Variants in PHGDH observed in about 807,000 individuals in gnomAD.
PHGDH encodes the protein D-3-phosphoglycerate dehydrogenase.
In PHGDH, 50 loss-of-function variants were observed where a neutral mutation model predicts 52.6. That is an observed-to-expected ratio of 0.95 (90% CI 0.76 to 1.20). The LOEUF is 1.20. Ranked by LOEUF, PHGDH falls within the 50% of genes most tolerant of loss-of-function variation. PHGDH has a pLI of 0.00. For synonymous variants in PHGDH, 271 were observed against 280.5 expected (o/e 0.97, Z 0.34); for missense variants, 630 against 684.6 (o/e 0.92, Z 0.89).
intron 1 of PHGDH, chr1:119,713,186 TCC>T (rs1463986093): frequency 6.6e-6 from 1 of 152,364 alleles, no homozygotes; most frequent in Non-Finnish European, 1.5e-5. Context: ...CAGTATATTC[TCC>T]CCCACCCTCC....
chr1:119,735,375 G>A lies in PHGDH; in HGVS notation c.724G>A (p.Glu242Lys), dbSNP rs1043911286. The A allele has an allele frequency of 1.2e-6, 2 of 1,614,198 alleles. No individual in the cohort carries two copies. The highest frequency in any genetic ancestry group is 2.2e-5 in the East Asian group (1 of 44,884). Reference sequence around the variant, plus strand: ...CTGTGCCCGTGGAGGGATCGTGGACGAAGGCGCCCTGCTCCGGGCCCTGCA... The same window carrying A: ...CTGTGCCCGTGGAGGGATCGTGGACAAAGGCGCCCTGCTCCGGGCCCTGCA... ...VNCARGGIVDEGALLRALQSG... is the reference protein window; with the variant it reads ...VNCARGGIVDKGALLRALQSG... The change falls in exon 7 of 12, where the codon GAA becomes AAA. Residue 242 changes from glutamate to lysine, a missense_variant. Physicochemically the swap from Glu to Lys is moderately conservative, Grantham distance 56. Coordinates refer to ENST00000641023, the MANE Select transcript of PHGDH (RefSeq NM_006623.4).
At chr1:119,741,922 C>T (rs761955649) in intron 10 of PHGDH, 25 bp downstream of exon 10, 1 of 1,599,618 alleles carries the variant, frequency 6.3e-7, no homozygotes. Context: ...CCCACGCTGC[C>T]TCCCCATCCC....
At chr1:119,722,850 G>A (rs1651234568) in intron 2 of PHGDH, among the ~76,000 whole-genome samples, 1 of 149,510 alleles carries the variant, frequency 6.7e-6, no homozygotes, top group South Asian at 2.2e-4. Flanking sequence ...GCAGTGAGCT[G>A]TGATCATGCC....
chr1:119,720,734 C>A, intron 1 of PHGDH: 1 of 241,110 alleles, frequency 4.1e-6, no homozygotes, highest in Non-Finnish European at 8.3e-6. Context: ...TCAAAATCAG[C>A]CAGCAGGCAG....
intron 9 of PHGDH, 103 bp downstream of exon 9, chr1:119,740,621 C>A: frequency 9.7e-7 from 1 of 1,028,974 alleles, no homozygotes; most frequent in Admixed American, 2.1e-5. Context: ...TAGTGAGAGG[C>A]AGTGAGGGTG....
intron 5 of PHGDH, among the ~76,000 whole-genome samples, chr1:119,732,415 A>G (rs1651735880): frequency 6.6e-6 from 1 of 152,162 alleles, no homozygotes; most frequent in South Asian, 2.1e-4. Context: ...TAGTCTTTGA[A>G]TGGTGGGTAC....
intron 8 of PHGDH, chr1:119,739,558 T>G (rs1652094459): frequency 6.6e-6 from 1 of 152,264 alleles, no homozygotes; most frequent in African/African-American, 2.4e-5. Flanking sequence ...CAATGATATC[T>G]TTATGAAAAC....
intron 3 of PHGDH, chr1:119,724,750 A>C (rs927200764): frequency 8.8e-6 from 4 of 454,718 alleles, no homozygotes; most frequent in Non-Finnish European, 1.3e-5. Context: ...GAAGGAAAGG[A>C]TTGGGAGCCA....
intron 3 of PHGDH, chr1:119,725,057 T>C: frequency 2.2e-6 from 1 of 453,004 alleles, no homozygotes. Flanking sequence ...TTTGAGCAGA[T>C]GGCGGGGGCT....
Position 119,737,287 on chromosome 1 carries a change from C to T in PHGDH, c.945+21C>T, listed in dbSNP as rs200199438. ...GGGTTGTAAGTATCACCACCTGGGG[C>T]TGGGGGCCAGGAGTCAGAGGGAGGA... On this transcript the variant is annotated intron_variant, in intron 8 of 11. Transcript: ENST00000641023. The T allele has an allele frequency of 3.2e-4, 515 of 1,605,672 alleles. 1 individual carries two copies. The African/African-American group carries it at 6.2e-3, about 19-fold the overall frequency.
intron 1 of PHGDH, chr1:119,720,130 T>TGCTCATTC (rs1276251819): frequency 2.6e-5 from 4 of 152,232 alleles, no homozygotes; most frequent in African/African-American, 7.2e-5. Flanking sequence ...CATTCTGTGT[T>TGCTCATTC]TGAGCAAGAA....
intron 11 of PHGDH, among the ~76,000 whole-genome samples, chr1:119,743,552 G>A (rs921600672): frequency 6.6e-5 from 10 of 152,232 alleles, no homozygotes; most frequent in Admixed American, 4.6e-4. Flanking sequence ...CGGAGGGTGT[G>A]CCTTCAAACC....
In PHGDH at chr1:119,726,833, C is replaced by T. The variant is rs776444178; in HGVS notation, c.357-18C>T. 7 of 1,611,796 alleles carry T rather than the reference C, an allele frequency of 4.3e-6. No homozygotes were observed. Among genetic ancestry groups the T allele is most frequent in the Admixed American group, 1.7e-5 (1 of 60,008 alleles). ...GGGAGTCCGAATGGACCCTCTGAACCTGTGTCTATCCTTGCAGGCAGATTC... is the reference window on the plus strand; with the variant it reads ...GGGAGTCCGAATGGACCCTCTGAACTTGTGTCTATCCTTGCAGGCAGATTC... On this transcript the variant is annotated intron_variant, in intron 3 of 11. Coordinates refer to ENST00000641023, the MANE Select transcript of PHGDH (RefSeq NM_006623.4).
rs187570749 is a variant in PHGDH at position 119,740,247 on chromosome 1, A to G, written c.946-139A>G. 555 of 759,736 alleles carry G rather than the reference A, an allele frequency of 7.3e-4. 3 individuals carry two copies. The highest frequency in any genetic ancestry group is 1.1e-3 in the Non-Finnish European group (477 of 438,960). 47.1% of individuals were successfully genotyped at this position (759,736 alleles called of 1,614,324 possible). Reference sequence around the variant, plus strand: ...TGTCCTGTTGTTAGTGGCTGATGGAAGTTGTCACCCACCAGGCACCAAGGC... The same window carrying G: ...TGTCCTGTTGTTAGTGGCTGATGGAGGTTGTCACCCACCAGGCACCAAGGC... On this transcript the variant is annotated intron_variant, in intron 8 of 11. Transcript: ENST00000641023.
At chr1:119,737,906 A>G (rs1652016192) in intron 8 of PHGDH, among the ~76,000 whole-genome samples, 1 of 152,200 alleles carries the variant, frequency 6.6e-6, no homozygotes, top group African/African-American at 2.4e-5. Flanking sequence ...TGGGTACCAG[A>G]CATTGTCATA....
In PHGDH at chr1:119,711,957, C is replaced by G. The variant is rs1274731355; in HGVS notation, c.-66C>G. ...GCCCAGTTACTCTAGCGCGCCAGGC[C>G]GAACCGCAGCTTCTTGGCTTAGGTA... On this transcript the variant is annotated 5_prime_UTR_variant, in exon 1 of 12. Coordinates refer to ENST00000641023, the MANE Select transcript of PHGDH (RefSeq NM_006623.4). 1.3e-6 allele frequency: 2 copies of G among 1,582,290 alleles called. No individual in the cohort carries two copies. The highest frequency in any genetic ancestry group is 3.3e-5 in the Admixed American group (2 of 59,940).
intron 5 of PHGDH, chr1:119,730,132 A>T (rs1333661350): frequency 6.6e-6 from 1 of 152,206 alleles, no homozygotes; most frequent in East Asian, 1.9e-4. Context: ...CGGAGAGCTC[A>T]TCAGTTCTAC....
At position 119,723,699 on chromosome 1, in the gene PHGDH, C is replaced by A. The variant is rs138458253; in HGVS notation, c.356+258C>A. ...TATTCTCCATGCTGCAGACAATCTGCCTTCTCTAGCCTCCAACTCTTGCAA... is the reference window on the plus strand; with the variant it reads ...TATTCTCCATGCTGCAGACAATCTGACTTCTCTAGCCTCCAACTCTTGCAA... On this transcript the variant is annotated intron_variant, in intron 3 of 11. Transcript: ENST00000641023. Among the ~76,000 whole-genome samples, 37 of 151,936 alleles carry A rather than the reference C, an allele frequency of 2.4e-4. 1 individual carries two copies. Among genetic ancestry groups the A allele is most frequent in the African/African-American group, 7.0e-4 (29 of 41,514 alleles).
chr1:119,717,232 C>CAAAAAAAAAA lies in PHGDH; in HGVS notation c.139-3918_139-3909dup, dbSNP rs58549149. Among the ~76,000 whole-genome samples, 100 of 37,350 alleles carry CAAAAAAAAAA rather than the reference C, an allele frequency of 2.7e-3. 20 individuals are homozygous for CAAAAAAAAAA. The highest frequency in any genetic ancestry group is 9.6e-3 in the East Asian group (10 of 1,038). The allele number at this position is 37,350 out of a possible 152,430, so 24.5% of individuals were successfully genotyped here. A position where few individuals can be genotyped will look rare whatever the true frequency, so the allele number is the denominator to read the frequency against. On this transcript the variant is annotated intron_variant, in intron 1 of 11. Coordinates refer to ENST00000641023, the MANE Select transcript of PHGDH (RefSeq NM_006623.4). ...GGGCAATAAGAGTGAAACTCTGTCT[C>CAAAAAAAAAA]AAAAAAAAAAAAAAAAAAAAAAAAA...
Sources: allele counts gnomAD v4.1 joint callset (sites outside exome capture counted in the v4.1 genomes callset), GRCh38; gene constraint gnomAD v4.1.1; transcripts MANE v1.5; gene names NCBI Gene and HGNC (gene_info 2026-07-23, HGNC 2026-07-21).